The following RNF111 variants were observed in gnomAD, a reference collection of about 807,000 sequenced individuals.
RNF111 encodes ring finger protein 111, also known as E3 ubiquitin-protein ligase Arkadia.
Under a neutral mutation model 95.1 loss-of-function variants are expected in RNF111, and 17 were observed. The observed-to-expected ratio is 0.18, with a 90% confidence interval of 0.12 to 0.27. The LOEUF (loss-of-function observed/expected upper bound fraction) is 0.27. Among genes scored for constraint, RNF111 ranks in the 10% least tolerant of loss-of-function variants. RNF111 has a pLI of 1.00. For synonymous variants in RNF111, 440 were observed against 414.8 expected, an observed-to-expected ratio of 1.06 and a Z score of -0.74; for missense variants, 1,189 against 1,210.4, an observed-to-expected ratio of 0.98 and a Z score of 0.26.
Position 59,085,755 on chromosome 15 carries a change from T to C in RNF111, c.2520T>C (p.His840=), listed in dbSNP as rs753982642. Residue 840 remains histidine, a synonymous_variant, in exon 10 of 14, where the codon CAT becomes CAC. Transcript: ENST00000348370. ...LAHYHAPPRL[H]HLQLGALPLM... is the part of the protein sequence containing the mutation. ...ATTATCACGCACCTCCTCGACTTCA[T>C]CACTTACAATTAGGAGCTCTTCCTT... 3 of 1,613,444 alleles carry C rather than the reference T, an allele frequency of 1.9e-6. No individual in the cohort carries two copies. Among genetic ancestry groups the C allele is most frequent in the Non-Finnish European group, 2.5e-6 (3 of 1,179,570 alleles).
chr15:59,094,185 T>C (rs1306805398), intron 13 of RNF111, among the ~76,000 whole-genome samples: 1 of 152,180 alleles, frequency 6.6e-6, no homozygotes, highest in East Asian at 1.9e-4. Flanking sequence ...ATTAAGTGTA[T>C]ATAACAATTA....
chr15:59,025,888 G>A (rs964708053), intron 1 of RNF111, among the ~76,000 whole-genome samples: 1 of 152,004 alleles, frequency 6.6e-6, no homozygotes, highest in Non-Finnish European at 1.5e-5. Context: ...GTGCCACCAC[G>A]CCTGGCTAAC....
intron 1 of RNF111, among the ~76,000 whole-genome samples, chr15:58,992,943 C>T (rs1206967359): frequency 5.3e-5 from 8 of 152,028 alleles, no homozygotes; most frequent in East Asian, 1.9e-4. Context: ...CTGAGGCAGG[C>T]GGATCACCTG....
Position 59,075,895 on chromosome 15 carries a change from A to G in RNF111, c.1687-59A>G, listed in dbSNP as rs1259591347. On this transcript the variant is annotated intron_variant, in intron 6 of 13. Transcript: ENST00000348370. ...GTTATATTAGGAATACTTTTATAAT[A>G]TAACATGAAATATTTGACCAAACTT... 4 of 1,550,020 alleles carry G rather than the reference A, an allele frequency of 2.6e-6. No homozygotes were observed. In the African/African-American group the frequency reaches 4.1e-5, roughly 16 times the overall value.
rs568123746 is a variant in RNF111, at chr15:59,068,580, TG to T, written c.1686+1500del. Among the ~76,000 whole-genome samples, 115 of 152,238 alleles carry T rather than the reference TG, an allele frequency of 7.6e-4. 1 individual carries two copies. Among genetic ancestry groups the T allele is most frequent in the African/African-American group, 2.7e-3 (111 of 41,552 alleles). On this transcript the variant is annotated intron_variant, in intron 6 of 13. Coordinates refer to ENST00000348370, the MANE Select transcript of RNF111 (RefSeq NM_017610.8). ...AAGATCGTGCCACTGCACTCCAGCC[TG>T]GGCAACAGAGCAAGACTCCGAAGTT...
chr15:59,020,322 A>C (rs943451800), intron 1 of RNF111, among the ~76,000 whole-genome samples: 2 of 151,700 alleles, frequency 1.3e-5, no homozygotes, highest in Admixed American at 1.3e-4. Context: ...AATTAGCAGT[A>C]TCTTTATGTC....
chr15:59,024,130 G>T (rs549732594), intron 1 of RNF111, among the ~76,000 whole-genome samples: 2 of 152,078 alleles, frequency 1.3e-5, no homozygotes, highest in East Asian at 3.8e-4. Context: ...AGGAAATTGA[G>T]CAATAGTAAA....
intron 1 of RNF111, among the ~76,000 whole-genome samples, chr15:59,008,904 A>G (rs1316465952): frequency 6.6e-6 from 1 of 152,138 alleles, no homozygotes; most frequent in Non-Finnish European, 1.5e-5. Flanking sequence ...AAAACAGTAT[A>G]CTTTCATTTG....
Position 59,066,819 on chromosome 15 carries a change from G to A in RNF111, c.1422G>A (p.Met474Ile). The change falls in exon 6 of 14, where the codon ATG becomes ATA. Residue 474 changes from methionine to isoleucine, a missense_variant. This residue lies in a region of RNF111 where 1,024 missense variants were observed against 925.9 expected (regional missense o/e 1.11). Transcript: ENST00000348370. The stretch of plus-strand genomic sequence containing the variant: ...TAACGGAAACTGGCCCTCCTGCAAT[G>A]CCAAGGTTACCTTCCTGCTGTCCCC... ...SAVTETGPPA[M>I]PRLPSCCPQH... is the part of the protein sequence containing the mutation. 1 of 1,614,026 alleles carries A rather than the reference G, an allele frequency of 6.2e-7. No homozygotes were observed. Among genetic ancestry groups the A allele is most frequent in the Non-Finnish European group, 8.5e-7 (1 of 1,179,990 alleles).
At chr15:59,023,050 C>T (rs2040423644) in intron 1 of RNF111, among the ~76,000 whole-genome samples, 1 of 152,140 alleles carries the variant, frequency 6.6e-6, no homozygotes. Flanking sequence ...AGTTCGAGAC[C>T]AGCCTGGCCA....
At chr15:58,994,689 G>C (rs2038973224) in intron 1 of RNF111, among the ~76,000 whole-genome samples, 1 of 151,902 alleles carries the variant, frequency 6.6e-6, no homozygotes, top group South Asian at 2.1e-4. Flanking sequence ...TCTTGGCCAG[G>C]CTGGTCTCAA....
chr15:59,010,859 C>G (rs2039767275), intron 1 of RNF111, among the ~76,000 whole-genome samples: 1 of 152,188 alleles, frequency 6.6e-6, no homozygotes, highest in Non-Finnish European at 1.5e-5. Flanking sequence ...AGGTCTAATA[C>G]AGTAGATTCC....
intron 4 of RNF111, among the ~76,000 whole-genome samples, chr15:59,057,724 G>C (rs1430834683): frequency 6.6e-6 from 1 of 152,166 alleles, no homozygotes; most frequent in African/African-American, 2.4e-5. Context: ...GGCATGGAAA[G>C]GAGATTAAAA....
chr15:59,066,720 T>A, intron 5 of RNF111, 44 bp from the exon 6 acceptor site: 6 of 1,460,556 alleles, frequency 4.1e-6, no homozygotes, highest in Non-Finnish European at 5.7e-6. Flanking sequence ...TACACAGTGA[T>A]ATTTCATGAT....
intron 2 of RNF111, among the ~76,000 whole-genome samples, chr15:59,041,584 A>AT (rs1413952218): frequency 6.6e-6 from 1 of 152,192 alleles, no homozygotes; most frequent in African/African-American, 2.4e-5. Context: ...AATTACTGCA[A>AT]TAAATAGCTT....
chr15:59,052,481 T>G (rs1437887447), intron 3 of RNF111, 50 bp downstream of exon 3: 1 of 1,328,554 alleles, frequency 7.5e-7, no homozygotes, highest in Non-Finnish European at 1.0e-6. Context: ...ATATAAATAT[T>G]AAACATATTT....
Position 59,040,246 on chromosome 15 carries a change from C to G in RNF111, c.880+8544C>G, listed in dbSNP as rs546542326. ...TCCTCCTGCCTCAGCCTTCTGAGTA[C>G]TTGGGACTACAGCACATGCCATCTT... is the stretch of plus-strand genomic sequence containing the variant. On this transcript the variant is annotated intron_variant, in intron 2 of 13. Coordinates refer to ENST00000348370, the MANE Select transcript of RNF111 (RefSeq NM_017610.8). 1.5e-3 allele frequency among the ~76,000 whole-genome samples: 231 copies of G among 152,094 alleles called. 1 individual carries two copies. Among genetic ancestry groups the G allele is most frequent in the Admixed American group, 3.9e-3 (60 of 15,252 alleles).
In RNF111 at chr15:58,991,142, C is replaced by G. The variant is rs142662769; in HGVS notation, c.-20+3074C>G. ...CCCCGTCTGTACTAAAAAAAAAATA[C>G]AAAAATTAGCTGGGCATGGTGGTGG... On this transcript the variant is annotated intron_variant, in intron 1 of 13. Transcript: ENST00000348370. Among the ~76,000 whole-genome samples the G allele has an allele frequency of 1.1e-3, 171 of 151,690 alleles. 1 individual carries two copies. The highest frequency in any genetic ancestry group is 4.1e-3 in the African/African-American group (168 of 41,314).
intron 7 of RNF111, among the ~76,000 whole-genome samples, chr15:59,078,972 A>C (rs758168250): frequency 1.3e-5 from 2 of 152,246 alleles, no homozygotes; most frequent in African/African-American, 2.4e-5. Flanking sequence ...AAATGTTGGA[A>C]TAAAGCATAG....
Sources: gnomAD v4.1 joint callset for allele counts (sites outside exome capture counted in the v4.1 genomes callset) on GRCh38, gnomAD v4.1.1 for gene constraint, gnomAD v4.1.1 regional missense constraint, MANE v1.5 for transcripts, NCBI Gene and HGNC (gene_info 2026-07-23, HGNC 2026-07-21) for gene names.